LMLN: variants seen among roughly 807,000 people sequenced by gnomAD.
LMLN encodes the protein leishmanolysin like peptidase.
Under a neutral mutation model 92.3 loss-of-function variants are expected in LMLN, and 70 were observed. The observed-to-expected ratio is 0.76, with a 90% CI of 0.63 to 0.92. The LOEUF is 0.92. Among genes scored for constraint, LMLN ranks in the 40% least tolerant of loss-of-function variants. The pLI is 0.00. For synonymous variants in LMLN, 308 were observed against 296.2 expected, an observed-to-expected ratio of 1.04 and a Z score of -0.41; for missense variants, 691 against 814.6, an observed-to-expected ratio of 0.85 and a Z score of 1.85.
exon 16 of LMLN, chr3:198,039,755 G>C (rs1010870323): frequency 2.6e-5 from 4 of 152,218 alleles, no homozygotes; most frequent in Non-Finnish European, 5.9e-5. Context: ...CAGAACTGCT[G>C]TCAGTGTGCT....
At chr3:197,973,031 G>A (rs1002352442) in intron 1 of LMLN, among the ~76,000 whole-genome samples, 1 of 152,144 alleles carries the variant, frequency 6.6e-6, no homozygotes, top group Admixed American at 6.5e-5. Context: ...ATTAGGTAGT[G>A]CTCTCAAGCC....
intron 8 of LMLN, among the ~76,000 whole-genome samples, chr3:197,989,251 A>G (rs1581148252): frequency 6.6e-6 from 1 of 152,320 alleles, no homozygotes; most frequent in Non-Finnish European, 1.5e-5. Flanking sequence ...TTTTTCATGA[A>G]TAAATGCTTT....
intron 1 of LMLN, among the ~76,000 whole-genome samples, chr3:197,972,169 G>A (rs1721247421): frequency 6.6e-6 from 1 of 151,456 alleles, no homozygotes; most frequent in African/African-American, 2.4e-5. Context: ...AGTTCAAGCA[G>A]TTCTCCTGCC....
chr3:198,018,158 A>G (rs759555221), intron 11 of LMLN, among the ~76,000 whole-genome samples: 10 of 152,194 alleles, frequency 6.6e-5, no homozygotes, highest in Non-Finnish European at 1.3e-4. Context: ...TATATAATTT[A>G]AAGTAAATAT....
intron 14 of LMLN, among the ~76,000 whole-genome samples, chr3:198,026,520 G>C (rs1013050130): frequency 5.3e-5 from 8 of 151,632 alleles, no homozygotes; most frequent in African/African-American, 1.9e-4. Flanking sequence ...GACCAGGCTG[G>C]TCTCAAACTC....
intron 1 of LMLN, among the ~76,000 whole-genome samples, chr3:197,972,353 C>T (rs781629051): frequency 5.3e-5 from 8 of 152,288 alleles, no homozygotes; most frequent in Non-Finnish European, 8.8e-5. Flanking sequence ...CATGAGCCAC[C>T]GTGTCCGGCC....
rs76879480 is a variant in LMLN at position 198,016,857 on chromosome 3, G to A, written c.1233-2396G>A. On this transcript the variant is annotated intron_variant, in intron 11 of 15. Transcript: ENST00000330198. ...TGAAGTCCAAATAGTAAATATTTTA[G>A]GTTTTGAGGGTTATTACAGTCTCTG... 9.7e-3 allele frequency among the ~76,000 whole-genome samples: 1,478 copies of A among 152,152 alleles called. 10 individuals carry two copies. The highest frequency in any genetic ancestry group is 0.017 in the Non-Finnish European group (1,156 of 67,996).
At chr3:198,013,395 T>TAACTAGTCTGACTTCTCTCCACCCTTC (rs1722510103) in intron 11 of LMLN, among the ~76,000 whole-genome samples, 4 of 25,068 alleles carry the variant, frequency 1.6e-4, no homozygotes, top group South Asian at 1.6e-3. Context: ...CTCCACCCTT[T>TAACTAGTCTGACTTCTCTCCACCCTTC]AGAGCCCCCT....
intron 11 of LMLN, among the ~76,000 whole-genome samples, chr3:198,006,061 G>C (rs1325863990): frequency 6.6e-6 from 1 of 152,196 alleles, no homozygotes; most frequent in Admixed American, 6.5e-5. Context: ...GGGTTGCAGT[G>C]AGCCAAGATC....
At chr3:198,002,670 A>G (rs965954603) in intron 11 of LMLN, among the ~76,000 whole-genome samples, 1 of 152,210 alleles carries the variant, frequency 6.6e-6, no homozygotes, top group Non-Finnish European at 1.5e-5. Context: ...CCCATGAGGC[A>G]GAGCTTGTAG....
rs1481781626 is a variant in LMLN at position 198,025,919 on chromosome 3, C to G, written c.1656+1131C>G. Among the ~76,000 whole-genome samples the G allele has an allele frequency of 6.6e-6, 1 of 152,064 alleles. No homozygotes were observed. The highest frequency in any genetic ancestry group is 1.5e-5 in the Non-Finnish European group (1 of 67,994). On this transcript the variant is annotated intron_variant, in intron 14 of 15. Coordinates refer to ENST00000330198, the Ensembl canonical transcript of LMLN. This position sits in a 1 kb window ranked among gnomAD's most constrained non-coding sequence, Gnocchi z 4.3. Reference sequence around the variant, plus strand: ...GAAATTTAACTCTTATCATTAGTTACTTATCAAATTAACGTTTTTTTTGGT... The same window carrying G: ...GAAATTTAACTCTTATCATTAGTTAGTTATCAAATTAACGTTTTTTTTGGT...
intron 15 of LMLN, chr3:198,038,357 G>A (rs1210601129): frequency 2.0e-6 from 1 of 502,108 alleles, no homozygotes; most frequent in East Asian, 3.3e-5. Context: ...TTGACATAGT[G>A]GATACATCAT....
exon 16 of LMLN, chr3:198,041,816 TCA>T (rs925257468): frequency 7.9e-5 from 12 of 152,126 alleles, no homozygotes; most frequent in Non-Finnish European, 1.6e-4. Flanking sequence ...TATTTGAGAG[TCA>T]CAGTGATAGG....
intron 5 of LMLN, among the ~76,000 whole-genome samples, chr3:197,978,946 A>G (rs989298248): frequency 6.6e-6 from 1 of 152,150 alleles, no homozygotes; most frequent in African/African-American, 2.4e-5. Context: ...CCCAGGTCAC[A>G]TACCACTGCA....
intron 11 of LMLN, among the ~76,000 whole-genome samples, chr3:198,000,573 G>T (rs1002836370): frequency 1.3e-5 from 2 of 152,084 alleles, no homozygotes; most frequent in Non-Finnish European, 2.9e-5. Context: ...GACTACAGGC[G>T]TGCATCACCA....
At chr3:197,996,837 A>G (rs568639377) in intron 10 of LMLN, among the ~76,000 whole-genome samples, 2 of 152,244 alleles carry the variant, frequency 1.3e-5, no homozygotes, top group African/African-American at 4.8e-5. Context: ...AGCTATTCAC[A>G]TGCATGATCA....
chr3:197,988,609 C>T (rs1721780319), intron 8 of LMLN, among the ~76,000 whole-genome samples: 1 of 150,852 alleles, frequency 6.6e-6, no homozygotes, highest in African/African-American at 2.4e-5. Flanking sequence ...ATCTTCCCAC[C>T]TCAGCCTCCT....
intron 11 of LMLN, among the ~76,000 whole-genome samples, chr3:198,011,448 T>G (rs1722436801): frequency 1.3e-5 from 2 of 152,066 alleles, no homozygotes; most frequent in Non-Finnish European, 2.9e-5. Flanking sequence ...ACAAAGGACA[T>G]GAACTCATCC....
intron 1 of LMLN, among the ~76,000 whole-genome samples, chr3:197,964,398 T>A (rs994728393): frequency 3.4e-4 from 51 of 151,388 alleles, no homozygotes; most frequent in African/African-American, 1.2e-3. Context: ...TTTTGTTTTT[T>A]GTTTTTTGTT....
Sources: allele counts gnomAD v4.1 joint callset (sites outside exome capture counted in the v4.1 genomes callset), GRCh38; gene constraint gnomAD v4.1.1; non-coding constraint Gnocchi (gnomAD v3.1); transcripts MANE v1.5; gene names NCBI Gene and HGNC (gene_info 2026-07-23, HGNC 2026-07-21).